TBCE: variants seen among roughly 807,000 people sequenced by gnomAD.
TBCE encodes tubulin-specific chaperone E.
TBCE carries 53 observed loss-of-function variants against 77.0 expected under a neutral mutation model. The ratio of observed to expected loss-of-function variants is 0.69; its 90% confidence interval spans 0.55 to 0.87. The LOEUF (loss-of-function observed/expected upper bound fraction) is 0.87, where lower values mean the gene tolerates loss of function less well. Among genes scored for constraint, TBCE ranks in the 40% least tolerant of loss-of-function variants. The probability of loss-of-function intolerance (pLI) is 0.00; values close to 1 mark genes in which losing one functional copy is unlikely to be tolerated. For missense variants in TBCE, 624 were observed against 622.4 expected (o/e 1.00, Z -0.03); for synonymous variants, 235 against 241.3 (o/e 0.97, Z 0.24).
At chr1:235,407,789 C>T (rs1679541312) in intron 3 of TBCE, among the ~76,000 whole-genome samples, 1 of 152,166 alleles carries the variant, frequency 6.6e-6, no homozygotes, top group South Asian at 2.1e-4. Flanking sequence ...CTCTCTACTT[C>T]TTGTTGAAGG....
chr1:235,375,164 C>A (rs144962471), intron 1 of TBCE, among the ~76,000 whole-genome samples: 27 of 152,100 alleles, frequency 1.8e-4, no homozygotes, highest in African/African-American at 6.5e-4. Flanking sequence ...TCATGATCCG[C>A]CTGCCTTGTC....
At chr1:235,371,184 G>A (rs1676928719) in intron 1 of TBCE, among the ~76,000 whole-genome samples, 1 of 148,882 alleles carries the variant, frequency 6.7e-6, no homozygotes, top group African/African-American at 2.5e-5. Context: ...AGCCTCCTCA[G>A]TAGCTGGGAT....
intron 13 of TBCE, chr1:235,440,914 A>C (rs1307027954): frequency 2.0e-5 from 3 of 152,178 alleles, no homozygotes; most frequent in African/African-American, 7.2e-5. Flanking sequence ...TGTTTTGATG[A>C]CATTATTACT....
intron 3 of TBCE, among the ~76,000 whole-genome samples, chr1:235,411,970 G>A (rs1199719858): frequency 6.6e-6 from 1 of 151,450 alleles, no homozygotes; most frequent in Non-Finnish European, 1.5e-5. Context: ...CGTAGGAAAG[G>A]TTATGTTCAT....
At chr1:235,378,934 G>T (rs1181825980) in intron 1 of TBCE, among the ~76,000 whole-genome samples, 3 of 152,146 alleles carry the variant, frequency 2.0e-5, no homozygotes, top group Non-Finnish European at 4.4e-5. Flanking sequence ...ATTTGTGCTT[G>T]CAAAAGGGGC....
At chr1:235,436,135 TC>T (rs1681436586) in intron 9 of TBCE, 1 of 601,172 alleles carries the variant, frequency 1.7e-6, no homozygotes, top group Non-Finnish European at 2.9e-6. Context: ...CGTGTCTCTT[TC>T]CTCTGAGACG....
intron 1 of TBCE, among the ~76,000 whole-genome samples, chr1:235,375,189 G>A (rs554112470): frequency 6.6e-6 from 1 of 152,118 alleles, no homozygotes; most frequent in South Asian, 2.1e-4. Flanking sequence ...CAAAGTGCTG[G>A]GATTACAGGC....
At chr1:235,382,287 G>A (rs1367869825) in intron 2 of TBCE, among the ~76,000 whole-genome samples, 1 of 152,052 alleles carries the variant, frequency 6.6e-6, no homozygotes, top group Non-Finnish European at 1.5e-5. Context: ...GTGTGCATGT[G>A]TCTTTATAGC....
Position 235,428,380 on chromosome 1 carries a change from C to T in TBCE, c.560+1141C>T, listed in dbSNP as rs144784969. 4.1e-4 allele frequency among the ~76,000 whole-genome samples: 62 copies of T among 152,122 alleles called. 1 individual carries two copies. The East Asian group carries it at 0.012, about 29-fold the overall frequency. ...TCTGCTGCCAGCTTGCCTTTTTCTT[C>T]TTGGAAGTCCCCTCTCTCTTACTAG... On this transcript the variant is annotated intron_variant, in intron 6 of 16. Coordinates refer to ENST00000642610, the MANE Select transcript of TBCE (RefSeq NM_003193.5).
chr1:235,427,232 A>C lies in TBCE; in HGVS notation c.553A>C (p.Asn185His). Reference sequence around the variant, plus strand: ...TCAGCTCAGACACCTGGAAGTCCTTAATGTCAGGTATGAACTCTTGGTTGC... The same window carrying C: ...TCAGCTCAGACACCTGGAAGTCCTTCATGTCAGGTATGAACTCTTGGTTGC... ...ADQLRHLEVLNVSENKLKFPS... is the reference protein window; with the variant it reads ...ADQLRHLEVLHVSENKLKFPS... The change falls in exon 6 of 17, where the codon AAT (asparagine) becomes CAT (histidine). Residue 185 changes from asparagine (N) to histidine (H), a missense_variant. Transcript: ENST00000642610. The C allele has an allele frequency of 6.2e-7, 1 of 1,609,890 alleles. No individual in the cohort carries two copies. Among genetic ancestry groups the C allele is most frequent in the Non-Finnish European group, 8.5e-7 (1 of 1,176,332 alleles).
intron 1 of TBCE, among the ~76,000 whole-genome samples, chr1:235,376,002 C>G (rs1282176611): frequency 6.6e-6 from 1 of 152,086 alleles, no homozygotes; most frequent in Non-Finnish European, 1.5e-5. Context: ...GCTGAGATCA[C>G]GCCATTGCAC....
At chr1:235,425,986 G>A (rs1052963750) in intron 5 of TBCE, among the ~76,000 whole-genome samples, 7 of 152,158 alleles carry the variant, frequency 4.6e-5, no homozygotes, top group Non-Finnish European at 8.8e-5. Flanking sequence ...CCCCTGTGTC[G>A]TGATCGTCTC....
chr1:235,433,282 G>A, intron 7 of TBCE: 2 of 825,174 alleles, frequency 2.4e-6, no homozygotes, highest in Non-Finnish European at 3.2e-6. Context: ...GTGCAGTGGT[G>A]TGATATTGGC....
chr1:235,430,884 T>G (rs1488789622), intron 7 of TBCE, 80 bp downstream of exon 7: 2 of 1,126,238 alleles, frequency 1.8e-6, no homozygotes, highest in African/African-American at 3.1e-5. Context: ...TTAGTACAGT[T>G]TAATAGTACA....
At position 235,430,641 on chromosome 1, in the gene TBCE, A is replaced by G. The variant is rs1324162520; in HGVS notation, c.561-64A>G. 4.3e-6 allele frequency: 5 copies of G among 1,175,896 alleles called. No individual in the cohort carries two copies. The African/African-American group carries it at 6.1e-5, about 14-fold the overall frequency. 72.8% of individuals were successfully genotyped at this position (1,175,896 alleles called of 1,614,324 possible). A position where few individuals can be genotyped will look rare whatever the true frequency, so the allele number is the denominator to read the frequency against. On this transcript the variant is annotated intron_variant, in intron 6 of 16. Transcript: ENST00000642610. ...ATTAAAACCCAGATTGTTGCTTTCA[A>G]CAACTATTTCAGTTGGGTTTACTGT...
At chr1:235,419,706 C>G in intron 5 of TBCE, 145 bp downstream of exon 5, 1 of 1,157,352 alleles carries the variant, frequency 8.6e-7, no homozygotes, top group Non-Finnish European at 1.2e-6. Context: ...AGTTGGGGCC[C>G]AGATAAATTA....
rs751975580 is a variant in TBCE, at chr1:235,450,177, A to AT, written c.*1419dup. ...CTCAGATTATCGTTTGCCTGCCCTG[A>AT]TTTTAGACTCTGCTAATTCAAGTCC... On this transcript the variant is annotated 3_prime_UTR_variant, in exon 17 of 17. Transcript: ENST00000642610. The AT allele has an allele frequency of 6.2e-7, 1 of 1,613,666 alleles. No individual in the cohort carries two copies. Among genetic ancestry groups the AT allele is most frequent in the Non-Finnish European group, 8.5e-7 (1 of 1,179,668 alleles).
At chr1:235,444,408 TA>T (rs1314848410) in intron 15 of TBCE, among the ~76,000 whole-genome samples, 2 of 152,166 alleles carry the variant, frequency 1.3e-5, no homozygotes, top group East Asian at 1.9e-4. Context: ...ATTTTTGATA[TA>T]TTTTTTTCAG....
chr1:235,438,963 C>CCAGCTGGA, intron 13 of TBCE, 41 bp downstream of exon 13: 1 of 1,613,906 alleles, frequency 6.2e-7, no homozygotes, highest in South Asian at 1.1e-5. Context: ...TGGTGGATTT[C>CCAGCTGGA]CAGCTGGAAC....
Sources: allele counts gnomAD v4.1 joint callset (sites outside exome capture counted in the v4.1 genomes callset), GRCh38; gene constraint gnomAD v4.1.1; transcripts MANE v1.5; gene names NCBI Gene and HGNC (gene_info 2026-07-23, HGNC 2026-07-21).